UTP20: variants seen among roughly 807,000 people sequenced by gnomAD.
The protein encoded by UTP20 is UTP20 small subunit processome component.
In UTP20, 164 loss-of-function variants were observed where a neutral mutation model predicts 329.5. That is an observed-to-expected ratio of 0.50 (90% confidence interval 0.44 to 0.57). The LOEUF (loss-of-function observed/expected upper bound fraction) is 0.57, where lower values mean the gene tolerates loss of function less well. UTP20 is among the 20% of genes least tolerant of loss of function. The probability of loss-of-function intolerance (pLI) is 0.00; values close to 1 mark genes in which losing one functional copy is unlikely to be tolerated. For synonymous variants in UTP20, 1,151 were observed against 1,159.3 expected, an observed-to-expected ratio of 0.99 and a Z score of 0.14; for missense variants, 3,055 against 3,284.2, an observed-to-expected ratio of 0.93 and a Z score of 1.71.
intron 10 of UTP20, among the ~76,000 whole-genome samples, 176 bp from the exon 11 acceptor site, chr12:101,292,992 C>G (rs1022631630): frequency 6.6e-6 from 1 of 152,170 alleles, no homozygotes. Context: ...TAGGCAGAGC[C>G]CTGTGTAATC....
rs753460361 is a variant in UTP20 at position 101,385,780 on chromosome 12, A to G, written c.8202+52A>G. On this transcript the variant is annotated intron_variant, in intron 61 of 61. Coordinates refer to ENST00000261637, the MANE Select transcript of UTP20 (RefSeq NM_014503.3). ...ATGTTCACTGGACTTGATAACTACTAAGTGTGCATGTTTGTGTCACACTTA... is the reference window on the plus strand; with the variant it reads ...ATGTTCACTGGACTTGATAACTACTGAGTGTGCATGTTTGTGTCACACTTA... 4 of 1,576,730 alleles carry G rather than the reference A, an allele frequency of 2.5e-6. No individual in the cohort carries two copies. The Middle Eastern group carries it at 5.0e-4, about 197-fold the overall frequency.
At chr12:101,327,774 T>G (rs1466171187) in intron 26 of UTP20, among the ~76,000 whole-genome samples, 1 of 152,184 alleles carries the variant, frequency 6.6e-6, no homozygotes, top group Non-Finnish European at 1.5e-5. Context: ...GAGTGCTCTG[T>G]GGTATGTTCT....
chr12:101,310,583 A>AT (rs1872757190), intron 19 of UTP20, among the ~76,000 whole-genome samples: 1 of 149,046 alleles, frequency 6.7e-6, no homozygotes, highest in Non-Finnish European at 1.5e-5. Context: ...CTCCCAAAAA[A>AT]AAAAAAAAAA....
intron 61 of UTP20, 95 bp from the exon 62 acceptor site, chr12:101,385,873 T>C: frequency 2.8e-6 from 4 of 1,446,240 alleles, no homozygotes; most frequent in Non-Finnish European, 3.7e-6. Flanking sequence ...TTTTCTTTAA[T>C]GAGCATGTGT....
chr12:101,300,202 G>A, intron 14 of UTP20, 141 bp downstream of exon 14: 1 of 853,414 alleles, frequency 1.2e-6, no homozygotes. Context: ...AAGAAATGAG[G>A]ATATGATGGG....
intron 11 of UTP20, among the ~76,000 whole-genome samples, chr12:101,294,393 T>G (rs899437042): frequency 2.0e-5 from 3 of 152,190 alleles, no homozygotes; most frequent in African/African-American, 7.2e-5. Flanking sequence ...CTTCCTCCTA[T>G]GGCAGATGGA....
At chr12:101,312,322 A>G in intron 21 of UTP20, 46 bp downstream of exon 21, 1 of 1,597,692 alleles carries the variant, frequency 6.3e-7, no homozygotes, top group Non-Finnish European at 8.5e-7. Context: ...GGCATGAAGA[A>G]GAGAATGTGA....
intron 2 of UTP20, 83 bp from the exon 3 acceptor site, chr12:101,285,487 A>G (rs1480716292): frequency 7.1e-7 from 1 of 1,410,764 alleles, no homozygotes; most frequent in Non-Finnish European, 9.9e-7. Context: ...TTGTCTTAAG[A>G]TATTAATATA....
rs1555202275 is a variant in UTP20 at position 101,362,526 on chromosome 12, A to ATTTGT, written c.5790+466_5790+467insTTTGT. On this transcript the variant is annotated intron_variant, in intron 44 of 61. Coordinates refer to ENST00000261637, the MANE Select transcript of UTP20 (RefSeq NM_014503.3). Reference sequence around the variant, plus strand: ...TGAGACCAGCCTGGCCAACATGGTGAAACCCCGTCTCTAAGAAAAATACAA... The same window carrying ATTTGT: ...TGAGACCAGCCTGGCCAACATGGTGATTTGTAACCCCGTCTCTAAGAAAAATACAA... Among the ~76,000 whole-genome samples the ATTTGT allele has an allele frequency of 1.5e-5, 2 of 137,658 alleles. 1 individual carries two copies. Among genetic ancestry groups the ATTTGT allele is most frequent in the African/African-American group, 6.8e-5 (2 of 29,558 alleles). The allele number at this position is 137,658 out of a possible 152,430, so 90.3% of individuals were successfully genotyped here.
intron 54 of UTP20, among the ~76,000 whole-genome samples, chr12:101,373,976 C>A (rs1870386602): frequency 6.6e-6 from 1 of 152,140 alleles, no homozygotes; most frequent in Non-Finnish European, 1.5e-5. Context: ...TGGCTCACGC[C>A]TGTAATCCCA....
intron 38 of UTP20, among the ~76,000 whole-genome samples, chr12:101,347,081 GAGA>G (rs1452817502): frequency 6.6e-6 from 1 of 152,168 alleles, no homozygotes; most frequent in Non-Finnish European, 1.5e-5. Flanking sequence ...AGAGTAATCT[GAGA>G]AGAAGTGAGG....
chr12:101,375,743 G>A lies in UTP20; in HGVS notation c.7383G>A (p.Leu2461=), dbSNP rs1870449828. Residue 2461 remains leucine, a synonymous_variant, in exon 56 of 62, where the codon TTG becomes TTA. Transcript: ENST00000261637. The part of the protein sequence containing the change: ...IIQFTKPAET[L]SKIWSHVHSH... ...AGTTTACCAAACCCGCTGAGACTTT[G>A]AGTAAAATCTGGAGTAAGTATTTCC... is the stretch of plus-strand genomic sequence containing the variant. 5 of 1,566,634 alleles carry A rather than the reference G, an allele frequency of 3.2e-6. No homozygotes were observed. Among genetic ancestry groups the A allele is most frequent in the Non-Finnish European group, 4.4e-6 (5 of 1,143,930 alleles).
intron 2 of UTP20, 109 bp downstream of exon 2, chr12:101,281,305 C>A: frequency 1.1e-6 from 1 of 942,338 alleles, no homozygotes; most frequent in South Asian, 1.7e-5. Context: ...ACATGAAATG[C>A]TTTAGACCTG....
intron 2 of UTP20, among the ~76,000 whole-genome samples, chr12:101,282,319 A>C (rs567969025): frequency 1.1e-4 from 16 of 152,290 alleles, no homozygotes; most frequent in African/African-American, 3.4e-4. Context: ...TTTTGTTTAT[A>C]TAGGTTTTAG....
At chr12:101,362,353 GA>G (rs1349239227) in intron 44 of UTP20, among the ~76,000 whole-genome samples, 1 of 152,118 alleles carries the variant, frequency 6.6e-6, no homozygotes, top group Non-Finnish European at 1.5e-5. Flanking sequence ...CTATTTTTAA[GA>G]AATAAGTTAT....
intron 28 of UTP20, among the ~76,000 whole-genome samples, chr12:101,334,166 T>A (rs1868856231): frequency 6.6e-6 from 1 of 152,208 alleles, no homozygotes; most frequent in Non-Finnish European, 1.5e-5. Context: ...GAGGTCCCAG[T>A]CATTTCCAAC....
At chr12:101,350,625 G>A (rs984165882) in intron 38 of UTP20, among the ~76,000 whole-genome samples, 11 of 152,124 alleles carry the variant, frequency 7.2e-5, no homozygotes, top group African/African-American at 2.7e-4. Context: ...GGCAGGAGCA[G>A]CCTTTAGTTT....
chr12:101,334,957 C>T (rs1250603604), intron 29 of UTP20, among the ~76,000 whole-genome samples: 2 of 148,630 alleles, frequency 1.3e-5, no homozygotes, highest in Non-Finnish European at 3.0e-5. Flanking sequence ...TGGGTGAAAG[C>T]GAGACCCTGT....
In UTP20 at chr12:101,365,072, TTGTGTGTG is replaced by T. The variant is rs60890980; in HGVS notation, c.5959-355_5959-348del. ...ATGAGGAGTGAATACATTTTGTTGATTGTGTGTGTGTGTGTGTGTGTGTGTGTGTGTGT... is the reference window on the plus strand; with the variant it reads ...ATGAGGAGTGAATACATTTTGTTGATTGTGTGTGTGTGTGTGTGTGTGTGT... On this transcript the variant is annotated intron_variant, in intron 45 of 61. Coordinates refer to ENST00000261637, the MANE Select transcript of UTP20 (RefSeq NM_014503.3). Among the ~76,000 whole-genome samples, 64 of 142,010 alleles carry T rather than the reference TTGTGTGTG, an allele frequency of 4.5e-4. 1 individual carries two copies. The highest frequency in any genetic ancestry group is 2.5e-3 in the South Asian group (11 of 4,384). The allele number at this position is 142,010 out of a possible 152,430, so 93.2% of individuals were successfully genotyped here.
Sources: allele counts gnomAD v4.1 joint callset (sites outside exome capture counted in the v4.1 genomes callset), GRCh38; gene constraint gnomAD v4.1.1; transcripts MANE v1.5; gene names NCBI Gene and HGNC (gene_info 2026-07-23, HGNC 2026-07-21).